The following COL22A1 variants were observed in gnomAD, a reference collection of about 807,000 sequenced individuals.
COL22A1 encodes the protein collagen alpha-1(XXII) chain.
Under a neutral mutation model 248.9 loss-of-function variants are expected in COL22A1, and 221 were observed. The ratio of observed to expected loss-of-function variants is 0.89; its 90% CI spans 0.80 to 0.99. The LOEUF is 0.99. Ranked by LOEUF, COL22A1 falls within the 50% of genes least tolerant of loss-of-function variation. The pLI is 0.00. For missense variants in COL22A1, 2,240 were observed against 2,179.0 expected (o/e 1.03, Z -0.56); for synonymous variants, 891 against 793.4 (o/e 1.12, Z -2.07).
chr8:138,595,530 C>A (rs1817461728), intron 62 of COL22A1, among the ~76,000 whole-genome samples: 1 of 152,156 alleles, frequency 6.6e-6, no homozygotes, highest in Non-Finnish European at 1.5e-5. Flanking sequence ...TGGTGCCCAC[C>A]AATTTGTTCC....
chr8:138,778,112 G>T (rs1374331697), intron 15 of COL22A1: 3 of 580,280 alleles, frequency 5.2e-6, no homozygotes, highest in South Asian at 3.9e-5. Context: ...GATCTACCCT[G>T]CTTCTTGATG....
chr8:138,793,215 G>A (rs987123224), intron 12 of COL22A1, among the ~76,000 whole-genome samples: 18 of 152,140 alleles, frequency 1.2e-4, no homozygotes, highest in African/African-American at 2.7e-4. Flanking sequence ...TGGAGACAAC[G>A]GTCAGCTAAG....
At chr8:138,615,832 A>C (rs1819271435) in intron 55 of COL22A1, among the ~76,000 whole-genome samples, 169 bp downstream of exon 55, 1 of 152,176 alleles carries the variant, frequency 6.6e-6, no homozygotes, top group Non-Finnish European at 1.5e-5. Flanking sequence ...GGACCCACCC[A>C]CTAGGTTGGA....
At chr8:138,813,129 G>A (rs1486133153) in intron 7 of COL22A1, 110 bp from the exon 8 acceptor site, 1 of 797,556 alleles carries the variant, frequency 1.3e-6, no homozygotes, top group Non-Finnish European at 2.2e-6. Context: ...TTCCTCTTTG[G>A]GGTCTTCCTG....
chr8:138,725,752 G>GAC lies in COL22A1; in HGVS notation c.2140-314_2140-313dup, dbSNP rs66497386. On this transcript the variant is annotated intron_variant, in intron 23 of 64. Transcript: ENST00000303045. ...ATACATATATGTGTGCACATGTGCA[G>GAC]ACACACACACACACACACACACACA... 8.9e-3 allele frequency among the ~76,000 whole-genome samples: 1,328 copies of GAC among 148,652 alleles called. 6 individuals carry two copies. The highest frequency in any genetic ancestry group is 0.018 in the Middle Eastern group (5 of 274).
chr8:138,827,092 C>T (rs1275007117), intron 5 of COL22A1: 6 of 337,164 alleles, frequency 1.8e-5, no homozygotes, highest in African/African-American at 2.1e-5. Context: ...TAAATGGTCA[C>T]GCCCCCGGGA....
At chr8:138,655,032 T>C (rs1374868825) in intron 45 of COL22A1, among the ~76,000 whole-genome samples, 2 of 152,154 alleles carry the variant, frequency 1.3e-5, no homozygotes, top group African/African-American at 2.4e-5. Context: ...CATGAGTTAG[T>C]CCTGTCTGGG....
intron 10 of COL22A1, among the ~76,000 whole-genome samples, chr8:138,804,549 C>T (rs963517651): frequency 1.3e-5 from 2 of 152,180 alleles, no homozygotes; most frequent in Admixed American, 6.5e-5. Flanking sequence ...CCGTCACAGC[C>T]GAGAATCGAG....
chr8:138,660,889 CAGACACACAAACACACACAT>C (rs1823807827), intron 43 of COL22A1, among the ~76,000 whole-genome samples: 6 of 132,056 alleles, frequency 4.5e-5, no homozygotes, highest in South Asian at 2.5e-4. Flanking sequence ...CACACATACA[CAGACACACAAACACACACAT>C]ACACAGACAC....
chr8:138,743,299 G>A (rs111066384), intron 22 of COL22A1, among the ~76,000 whole-genome samples: 20,216 of 150,652 alleles, frequency 0.13, 1,345 homozygotes, highest in Non-Finnish European at 0.16. Flanking sequence ...TGATGGTGAT[G>A]GTGTAGTTGA....
At position 138,596,891 on chromosome 8, in the gene COL22A1, T is replaced by A; in HGVS notation, c.4432+13A>T. 1 of 1,613,304 alleles carries A rather than the reference T, an allele frequency of 6.2e-7. No homozygotes were observed. Among genetic ancestry groups the A allele is most frequent in the Non-Finnish European group, 8.5e-7 (1 of 1,179,350 alleles). On this transcript the variant is annotated intron_variant, in intron 62 of 64. Coordinates refer to ENST00000303045, the MANE Select transcript of COL22A1 (RefSeq NM_152888.3). ...TCTTCTCTGCAAGACCGTAACACAG[T>A]CCAGATACTCACTTTCAAGCTGCTT...
intron 12 of COL22A1, among the ~76,000 whole-genome samples, chr8:138,788,655 C>T (rs1815756922): frequency 6.6e-6 from 1 of 152,098 alleles, no homozygotes; most frequent in South Asian, 2.1e-4. Context: ...AGTGGGGAGG[C>T]TGAAGAGCTC....
At chr8:138,749,182 T>C (rs911029395) in intron 22 of COL22A1, among the ~76,000 whole-genome samples, 2 of 152,180 alleles carry the variant, frequency 1.3e-5, no homozygotes, top group African/African-American at 4.8e-5. Flanking sequence ...CCCAGCCCCA[T>C]GGAACTGTGA....
rs992830106 is a variant in COL22A1, at chr8:138,865,753, ATATG to A, written c.658+11993_658+11996del. ...TGTGTTTGTAGGCCTGTGTGTGAGT[ATATG>A]TATGTTTGTATGCCTCTGAGTGTAT... is the stretch of plus-strand genomic sequence containing the variant. On this transcript the variant is annotated intron_variant, in intron 3 of 64. Coordinates refer to ENST00000303045, the MANE Select transcript of COL22A1 (RefSeq NM_152888.3). 4.5e-5 allele frequency among the ~76,000 whole-genome samples: 6 copies of A among 133,866 alleles called. No individual in the cohort carries two copies. The East Asian group carries it at 9.0e-4, about 20-fold the overall frequency. The allele number at this position is 133,866 out of a possible 152,430, so 87.8% of individuals were successfully genotyped here.
At chr8:138,594,256 GGA>G in intron 62 of COL22A1, 57 bp from the exon 63 acceptor site, 2 of 1,469,294 alleles carry the variant, frequency 1.4e-6, no homozygotes. Context: ...ACATAGGACA[GGA>G]TGGCTACTCA....
chr8:138,778,225 A>G (rs1394482772), intron 15 of COL22A1, 128 bp downstream of exon 15: 1 of 943,604 alleles, frequency 1.1e-6, no homozygotes. Flanking sequence ...AGATACCAAC[A>G]CTTCATTGGC....
chr8:138,702,805 C>T (rs546361779), intron 31 of COL22A1, among the ~76,000 whole-genome samples: 47 of 152,256 alleles, frequency 3.1e-4, no homozygotes, highest in Non-Finnish European at 5.1e-4. Flanking sequence ...TTCTAACAGA[C>T]GAGAAAACTG....
chr8:138,895,224 G>T (rs1184244748), intron 1 of COL22A1, among the ~76,000 whole-genome samples: 1 of 152,038 alleles, frequency 6.6e-6, no homozygotes, highest in Non-Finnish European at 1.5e-5. Flanking sequence ...AGAATCCAGA[G>T]TTTCTCAGAA....
intron 22 of COL22A1, among the ~76,000 whole-genome samples, chr8:138,750,145 A>G (rs1832468690): frequency 6.6e-6 from 1 of 152,182 alleles, no homozygotes; most frequent in African/African-American, 2.4e-5. Flanking sequence ...GCCTTCTGCC[A>G]TGATTGTGGG....
Sources: gnomAD v4.1 joint callset for allele counts (sites outside exome capture counted in the v4.1 genomes callset) on GRCh38, gnomAD v4.1.1 for gene constraint, MANE v1.5 for transcripts, NCBI Gene and HGNC (gene_info 2026-07-23, HGNC 2026-07-21) for gene names.